Variants in ELFN2 observed in about 807,000 individuals in gnomAD.
The protein encoded by ELFN2 is extracellular leucine rich repeat and fibronectin type III domain containing 2, also known as protein phosphatase 1 regulatory subunit 29.
Under a neutral mutation model 45.5 loss-of-function variants are expected in ELFN2, and 17 were observed. The observed-to-expected ratio is 0.37, with a 90% confidence interval of 0.26 to 0.56. The LOEUF (loss-of-function observed/expected upper bound fraction) is 0.56. Among genes scored for constraint, ELFN2 ranks in the 20% least tolerant of loss-of-function variants. The pLI is 0.77. For missense variants in ELFN2, 922 were observed against 1,183.2 expected (o/e 0.78, Z 3.24); for synonymous variants, 550 against 551.5 (o/e 1.00, Z 0.04).
At chr22:37,344,372 C>T (rs537219776) in intron 1 of ELFN2, among the ~76,000 whole-genome samples, 3 of 151,860 alleles carry the variant, frequency 2.0e-5, no homozygotes, top group African/African-American at 7.3e-5. Flanking sequence ...AATCTACATG[C>T]GCACATACAC....
At chr22:37,379,452 A>C (rs1931686556) in intron 2 of ELFN2, among the ~76,000 whole-genome samples, 1 of 152,178 alleles carries the variant, frequency 6.6e-6, no homozygotes, top group East Asian at 1.9e-4. Context: ...TCCAGCAAAG[A>C]GCAGGGCTCC....
Position 37,373,518 on chromosome 22 carries a change from G to T in ELFN2, c.2017C>A (p.Pro673Thr). ...GGCACCAGCGGGAGCCGGTCCAGCG[G>T]GCTGTTGAGGGGGCTGCCCTTCTCG... Reference protein sequence around the residue: ...YIEKGSPLNSPLDRLPLVPAG... With the variant: ...YIEKGSPLNSTLDRLPLVPAG... The change falls in exon 3 of 3, where the codon CCG becomes ACG. Residue 673 changes from proline to threonine, a missense_variant. Physicochemically the swap from Pro to Thr is conservative, Grantham distance 38. Coordinates refer to ENST00000402918, the MANE Select transcript of ELFN2 (RefSeq NM_052906.5). 6.4e-7 allele frequency: 1 copy of T among 1,565,714 alleles called. No homozygotes were observed. Among genetic ancestry groups the T allele is most frequent in the Non-Finnish European group, 8.6e-7 (1 of 1,157,572 alleles).
intron 1 of ELFN2, among the ~76,000 whole-genome samples, chr22:37,344,950 G>A (rs868016935): frequency 3.3e-5 from 5 of 152,206 alleles, no homozygotes; most frequent in South Asian, 4.1e-4. Flanking sequence ...GGCCCTCCCC[G>A]TTCTCTTCCC....
At chr22:37,411,841 A>G (rs1188462727) in intron 2 of ELFN2, among the ~76,000 whole-genome samples, 1 of 152,090 alleles carries the variant, frequency 6.6e-6, no homozygotes, top group Admixed American at 6.5e-5. Flanking sequence ...ACAGATAAGA[A>G]AACTGAGACC....
chr22:37,416,508 G>A (rs1047128922), intron 2 of ELFN2, among the ~76,000 whole-genome samples: 5 of 152,190 alleles, frequency 3.3e-5, no homozygotes, highest in African/African-American at 1.2e-4. Context: ...GCCCAGATGA[G>A]AGACTTATGA....
At chr22:37,400,468 T>TA (rs925025105) in intron 2 of ELFN2, among the ~76,000 whole-genome samples, 1 of 152,158 alleles carries the variant, frequency 6.6e-6, no homozygotes, top group Non-Finnish European at 1.5e-5. Flanking sequence ...TAGGGCCTCC[T>TA]AGCAGGTGCC....
chr22:37,386,621 G>C (rs1179764389), intron 2 of ELFN2, among the ~76,000 whole-genome samples: 1 of 152,170 alleles, frequency 6.6e-6, no homozygotes, highest in Non-Finnish European at 1.5e-5. Context: ...CTGAGGCTAC[G>C]GGGGGCCTGC....
At chr22:37,356,664 C>A (rs1390528058) in intron 1 of ELFN2, among the ~76,000 whole-genome samples, 1 of 152,136 alleles carries the variant, frequency 6.6e-6, no homozygotes, top group East Asian at 1.9e-4. Context: ...CTGCATGGGG[C>A]ACTGTTCTAA....
chr22:37,422,953 G>C lies in ELFN2; in HGVS notation c.-614+4345C>G, dbSNP rs367638797. ...GAGGAAACTGGGCCTCGGGGGGGGGGGGGGAAGTGACTTGCCCAGGACCCA... is the reference window on the plus strand; with the variant it reads ...GAGGAAACTGGGCCTCGGGGGGGGGCGGGGAAGTGACTTGCCCAGGACCCA... On this transcript the variant is annotated intron_variant, in intron 1 of 2. Transcript: ENST00000402918. Among the ~76,000 whole-genome samples the C allele has an allele frequency of 3.2e-3, 481 of 149,214 alleles. 21 individuals are homozygous for C. Among genetic ancestry groups the C allele is most frequent in the African/African-American group, 0.01 (407 of 40,220 alleles).
rs529485829 is a variant in ELFN2 at position 37,386,678 on chromosome 22, C to T, written c.-462-10682G>A. Among the ~76,000 whole-genome samples the T allele has an allele frequency of 2.6e-5, 4 of 152,262 alleles. No homozygotes were observed. The South Asian group carries it at 6.2e-4, about 24-fold the overall frequency. The stretch of plus-strand genomic sequence containing the variant: ...GGAGGCTCTGTCGGTGCAGAGGGGT[C>T]GACATCGAGCCCCGGAAACTCCCCG... On this transcript the variant is annotated intron_variant, in intron 2 of 2. Coordinates refer to ENST00000402918, the MANE Select transcript of ELFN2 (RefSeq NM_052906.5).
intron 1 of ELFN2, among the ~76,000 whole-genome samples, chr22:37,344,627 T>C (rs1205653120): frequency 6.6e-6 from 1 of 152,102 alleles, no homozygotes; most frequent in African/African-American, 2.4e-5. Flanking sequence ...GGGGATGCTG[T>C]GACCCACTGT....
chr22:37,382,564 A>T (rs9607456), intron 2 of ELFN2, among the ~76,000 whole-genome samples: 90,507 of 127,818 alleles, frequency 0.71, 31,288 homozygotes, highest in Admixed American at 0.78. Flanking sequence ...TTTTTTTTTA[A>T]AAACAGACTC....
At chr22:37,411,173 A>C (rs2145681801) in intron 2 of ELFN2, among the ~76,000 whole-genome samples, 1 of 152,284 alleles carries the variant, frequency 6.6e-6, no homozygotes, top group East Asian at 1.9e-4. Context: ...TGTCATGGGT[A>C]GAATTGGGAA....
intron 2 of ELFN2, among the ~76,000 whole-genome samples, chr22:37,376,571 T>A (rs1159801409): frequency 6.6e-6 from 1 of 152,208 alleles, no homozygotes; most frequent in African/African-American, 2.4e-5. Context: ...ATTTGTTGTG[T>A]AACTGCTCTT....
At position 37,368,149 on chromosome 22, in the gene ELFN2, AG is replaced by A. The variant is rs1472845406; in HGVS notation, c.*4922del. The A allele has an allele frequency of 6.6e-6, 1 of 152,384 alleles. No homozygotes were observed. The highest frequency in any genetic ancestry group is 1.5e-5 in the Non-Finnish European group (1 of 68,144). 9.4% of individuals were successfully genotyped at this position (152,384 alleles called of 1,614,324 possible). A position where few individuals can be genotyped will look rare whatever the true frequency, so the allele number is the denominator to read the frequency against. On this transcript the variant is annotated 3_prime_UTR_variant, in exon 3 of 3. Coordinates refer to ENST00000402918, the MANE Select transcript of ELFN2 (RefSeq NM_052906.5). ...CAAAAGAAGAAAAGGAGAGGGTTCA[AG>A]GCCCTCAGAGGAAGGAAAGTTTCGT...
rs60480262 is a variant in ELFN2, at chr22:37,395,941, C to T, written c.-462-19945G>A. ...CAACAGGAAGCCAGAAGAAGGGTCACGGACACAGCTGAGCCCCCAGATACC... is the reference window on the plus strand; with the variant it reads ...CAACAGGAAGCCAGAAGAAGGGTCATGGACACAGCTGAGCCCCCAGATACC... On this transcript the variant is annotated intron_variant, in intron 2 of 2. Transcript: ENST00000402918. Among the ~76,000 whole-genome samples the T allele has an allele frequency of 1.2e-3, 190 of 152,304 alleles. 3 individuals carry two copies. The highest frequency in any genetic ancestry group is 3.9e-3 in the African/African-American group (162 of 41,568).
intron 2 of ELFN2, among the ~76,000 whole-genome samples, chr22:37,376,244 G>C (rs1931583513): frequency 6.6e-6 from 1 of 152,052 alleles, no homozygotes; most frequent in African/African-American, 2.4e-5. Context: ...CAGAGACTGA[G>C]GATCATGGGC....
chr22:37,343,482 G>GTC (rs150211720), intron 1 of ELFN2, among the ~76,000 whole-genome samples: 1 of 151,976 alleles, frequency 6.6e-6, no homozygotes, highest in Admixed American at 6.6e-5. Context: ...TGAGGTTTCT[G>GTC]TCTCTCTCTC....
chr22:37,419,579 AG>A (rs1932793652), intron 1 of ELFN2, among the ~76,000 whole-genome samples: 1 of 151,816 alleles, frequency 6.6e-6, no homozygotes, highest in Admixed American at 6.6e-5. Context: ...CGCACAAACC[AG>A]GGGCACCGTG....
Sources: gnomAD v4.1 joint callset for allele counts (sites outside exome capture counted in the v4.1 genomes callset) on GRCh38, gnomAD v4.1.1 for gene constraint, MANE v1.5 for transcripts, NCBI Gene and HGNC (gene_info 2026-07-23, HGNC 2026-07-21) for gene names.